Variants in PRDM16 observed in about 807,000 individuals in gnomAD.
PRDM16 encodes histone-lysine N-methyltransferase PRDM16.
PRDM16 carries 23 observed loss-of-function variants against 110.6 expected under a neutral mutation model. The observed-to-expected ratio is 0.21, with a 90% CI of 0.15 to 0.29. PRDM16 has a LOEUF of 0.29. Among genes scored for constraint, PRDM16 ranks in the 10% least tolerant of loss-of-function variants. The pLI is 1.00. For missense variants in PRDM16, 1,615 were observed against 1,794.3 expected (o/e 0.90, Z 1.81); for synonymous variants, 799 against 781.8 (o/e 1.02, Z -0.37).
intron 1 of PRDM16, among the ~76,000 whole-genome samples, chr1:3,104,821 C>T (rs1642614309): frequency 6.6e-6 from 1 of 152,200 alleles, no homozygotes; most frequent in South Asian, 2.1e-4. Flanking sequence ...AGGGATGCTT[C>T]TGCTCCTCCC....
chr1:3,251,194 G>A (rs550013671), intron 3 of PRDM16, among the ~76,000 whole-genome samples: 94 of 144,326 alleles, frequency 6.5e-4, no homozygotes, highest in African/African-American at 2.3e-3. Flanking sequence ...CCTGCCCTTT[G>A]GACCTGGTTC....
chr1:3,174,258 G>A (rs1644061106), intron 1 of PRDM16, among the ~76,000 whole-genome samples: 1 of 152,126 alleles, frequency 6.6e-6, no homozygotes, highest in African/African-American at 2.4e-5. Context: ...GTCCTATAAG[G>A]ACATCAGTCC....
In PRDM16 at chr1:3,184,467, G is replaced by A. The variant is rs149022152; in HGVS notation, c.38-1658G>A. 2.2e-3 allele frequency among the ~76,000 whole-genome samples: 328 copies of A among 152,330 alleles called. 2 individuals are homozygous for A. Among genetic ancestry groups the A allele is most frequent in the Admixed American group, 5.5e-3 (84 of 15,308 alleles). Reference sequence around the variant, plus strand: ...TTCACGGGTCCTCGAGGCAGCCACAGAAGGAGGGGCTTGCGTGGAAAGATC... The same window carrying A: ...TTCACGGGTCCTCGAGGCAGCCACAAAAGGAGGGGCTTGCGTGGAAAGATC... On this transcript the variant is annotated intron_variant, in intron 1 of 16. Coordinates refer to ENST00000270722, the MANE Select transcript of PRDM16 (RefSeq NM_022114.4).
intron 3 of PRDM16, among the ~76,000 whole-genome samples, chr1:3,296,540 A>C (rs1641093985): frequency 6.6e-6 from 1 of 152,108 alleles, no homozygotes; most frequent in Non-Finnish European, 1.5e-5. Flanking sequence ...TGTGCAGGAG[A>C]GGAGAGAGGC....
At chr1:3,415,915 A>T (rs1384801459) in intron 10 of PRDM16, among the ~76,000 whole-genome samples, 2 of 152,166 alleles carry the variant, frequency 1.3e-5, no homozygotes, top group Non-Finnish European at 2.9e-5. Context: ...CTGTGGAAAG[A>T]CCTCAGCCCT....
At chr1:3,313,162 A>T (rs1641505434) in intron 3 of PRDM16, among the ~76,000 whole-genome samples, 1 of 152,196 alleles carries the variant, frequency 6.6e-6, no homozygotes, top group African/African-American at 2.4e-5. Context: ...GATGAAGAGG[A>T]TGTGGTTTCC....
chr1:3,234,371 C>T (rs750233355), intron 2 of PRDM16, among the ~76,000 whole-genome samples: 3 of 152,192 alleles, frequency 2.0e-5, no homozygotes, highest in South Asian at 2.1e-4. Flanking sequence ...GAGCTGTCCC[C>T]GCCCCAGCAG....
chr1:3,411,532 C>T lies in PRDM16; in HGVS notation c.1335C>T (p.Cys445=), dbSNP rs374113598. The T allele has an allele frequency of 1.8e-5, 29 of 1,614,080 alleles. No homozygotes were observed. The African/African-American group carries it at 1.9e-4, about 10-fold the overall frequency. The change falls in exon 9 of 17, where the codon TGC becomes TGT. Residue 445 remains cysteine, a synonymous_variant. Transcript: ENST00000270722. The part of the protein sequence containing the change: ...TSSLNKHRRF[C]EGKNHYTPGG... ...CCCTCAACAAGCACCGGCGCTTCTG[C>T]GAGGGCAAGAACCATTACACGCCGG...
chr1:3,342,669 C>T lies in PRDM16; in HGVS notation c.439-42483C>T, dbSNP rs189165767. Among the ~76,000 whole-genome samples the T allele has an allele frequency of 5.9e-4, 90 of 152,312 alleles. 1 individual carries two copies. The highest frequency in any genetic ancestry group is 1.2e-3 in the Admixed American group (19 of 15,302). On this transcript the variant is annotated intron_variant, in intron 3 of 16. Coordinates refer to ENST00000270722, the MANE Select transcript of PRDM16 (RefSeq NM_022114.4). ...TATCCCCCAAGGGCAAATGGCCAGCCGCTGTTCTGATGTCTATCACCTTGG... is the reference window on the plus strand; with the variant it reads ...TATCCCCCAAGGGCAAATGGCCAGCTGCTGTTCTGATGTCTATCACCTTGG...
chr1:3,433,276 C>T (rs1638816809), intron 16 of PRDM16, among the ~76,000 whole-genome samples: 1 of 152,268 alleles, frequency 6.6e-6, no homozygotes, highest in Admixed American at 6.5e-5. Flanking sequence ...GTCACGCCTG[C>T]TCATGTCTTC....
intron 1 of PRDM16, among the ~76,000 whole-genome samples, chr1:3,145,568 C>T (rs1643632241): frequency 6.6e-6 from 1 of 152,166 alleles, no homozygotes; most frequent in Non-Finnish European, 1.5e-5. Flanking sequence ...GGGCTCTGGT[C>T]CCTCTCCACG....
intron 3 of PRDM16, among the ~76,000 whole-genome samples, chr1:3,383,768 C>T (rs1382544313): frequency 6.6e-6 from 1 of 152,180 alleles, no homozygotes; most frequent in Non-Finnish European, 1.5e-5. Context: ...CTCATCCTGA[C>T]TCCCCTGGGT....
intron 1 of PRDM16, among the ~76,000 whole-genome samples, chr1:3,096,488 G>A (rs550343715): frequency 3.9e-5 from 6 of 152,178 alleles, no homozygotes; most frequent in Non-Finnish European, 5.9e-5. Context: ...TCTGTGTTTC[G>A]AATCCACACC....
intron 16 of PRDM16, 132 bp from the exon 17 acceptor site, chr1:3,433,537 GGCCCGCCC>G: frequency 4.1e-6 from 1 of 244,706 alleles, no homozygotes; most frequent in East Asian, 5.8e-5. Flanking sequence ...TGTCTGGGAT[GGCCCGCCC>G]TGCCCACGCG....
chr1:3,087,565 T>C (rs1056428863), intron 1 of PRDM16, among the ~76,000 whole-genome samples: 1 of 152,150 alleles, frequency 6.6e-6, no homozygotes, highest in African/African-American at 2.4e-5. Context: ...TTTTAGATCA[T>C]AGGAGGAGAT....
intron 1 of PRDM16, among the ~76,000 whole-genome samples, chr1:3,153,003 G>A (rs1331837236): frequency 6.6e-6 from 1 of 152,234 alleles, no homozygotes; most frequent in Non-Finnish European, 1.5e-5. Context: ...AGGTGCCCAG[G>A]AATCACCAGA....
intron 3 of PRDM16, among the ~76,000 whole-genome samples, chr1:3,381,636 C>A (rs890897169): frequency 7.9e-5 from 12 of 152,212 alleles, no homozygotes; most frequent in African/African-American, 2.9e-4. Context: ...GGTGATCCAC[C>A]CGCCTCACTC....
intron 3 of PRDM16, among the ~76,000 whole-genome samples, chr1:3,311,225 C>T (rs112547636): frequency 0.091 from 13,893 of 152,214 alleles, 2,060 homozygotes; most frequent in African/African-American, 0.31. Context: ...GCAGTGGCCG[C>T]GGCGCTGCCG....
At chr1:3,205,820 C>T (rs1325373382) in intron 2 of PRDM16, among the ~76,000 whole-genome samples, 1 of 152,052 alleles carries the variant, frequency 6.6e-6, no homozygotes, top group East Asian at 1.9e-4. Context: ...GATCTGAGTT[C>T]AAGTTGCATC....
Sources: gnomAD v4.1 joint callset for allele counts (sites outside exome capture counted in the v4.1 genomes callset) on GRCh38, gnomAD v4.1.1 for gene constraint, MANE v1.5 for transcripts, NCBI Gene and HGNC (gene_info 2026-07-23, HGNC 2026-07-21) for gene names.